The following TUBB3 variants were observed in gnomAD, a reference collection of about 807,000 sequenced individuals.
TUBB3 encodes the protein tubulin beta 3 class III, also known as tubulin beta-3 chain.
A neutral mutation model predicts 37.8 loss-of-function variants in TUBB3; 17 were observed. The ratio of observed to expected loss-of-function variants is 0.45; its 90% confidence interval spans 0.31 to 0.67. The LOEUF is 0.67. Among genes scored for constraint, TUBB3 ranks in the 30% least tolerant of loss-of-function variants. TUBB3 has a pLI of 0.07. For missense variants in TUBB3, 262 were observed against 657.9 expected (o/e 0.40, Z 6.58); for synonymous variants, 332 against 278.9 (o/e 1.19, Z -1.90).
At chr16:89,927,087 A>G (rs534840699) in intron 1 of TUBB3, among the ~76,000 whole-genome samples, 74 of 152,052 alleles carry the variant, frequency 4.9e-4, no homozygotes, top group African/African-American at 1.8e-3. Flanking sequence ...TTAAATATGT[A>G]ACATAGGCCA....
At chr16:89,933,368 G>A (rs977789163) in intron 2 of TUBB3, 100 bp from the exon 3 acceptor site, 3 of 985,776 alleles carry the variant, frequency 3.0e-6, no homozygotes, top group Non-Finnish European at 4.9e-6. Flanking sequence ...CTCTTAGGAT[G>A]TGAGCAGGAG....
chr16:89,928,869 G>A (rs540307362), intron 1 of TUBB3, among the ~76,000 whole-genome samples: 1 of 151,680 alleles, frequency 6.6e-6, no homozygotes, highest in African/African-American at 2.4e-5. Flanking sequence ...TCACCATGTT[G>A]GTCAGGCTGG....
intron 1 of TUBB3, among the ~76,000 whole-genome samples, chr16:89,925,523 G>C (rs967399325): frequency 6.6e-6 from 1 of 152,142 alleles, no homozygotes. Context: ...TTCAGCGTGG[G>C]AGGTCGAGGC....
chr16:89,933,882 C>G (rs1344538756), intron 3 of TUBB3: 2 of 668,882 alleles, frequency 3.0e-6, no homozygotes, highest in Non-Finnish European at 5.4e-6. Flanking sequence ...GGTCCAGGAG[C>G]ACGAGGCCTT....
chr16:89,923,592 G>C, intron 1 of TUBB3, 134 bp downstream of exon 1: 1 of 899,550 alleles, frequency 1.1e-6, no homozygotes. Context: ...CGCCGCGCCG[G>C]GCGGCCGGGA....
Position 89,935,501 on chromosome 16 carries a change from G to A in TUBB3, c.1050G>A (p.Lys350=), listed in dbSNP as rs765827043. The change falls in exon 4 of 4, where the codon AAG becomes AAA. Residue 350 remains lysine, a synonymous_variant. Transcript: ENST00000315491. ...YFVEWIPNNV[K]VAVCDIPPRG... Reference sequence around the variant, plus strand: ...TGGAGTGGATCCCCAACAACGTGAAGGTGGCCGTGTGTGACATCCCGCCCC... The same window carrying A: ...TGGAGTGGATCCCCAACAACGTGAAAGTGGCCGTGTGTGACATCCCGCCCC... 6 of 1,614,238 alleles carry A rather than the reference G, an allele frequency of 3.7e-6. No homozygotes were observed. The Admixed American group carries it at 6.7e-5, about 18-fold the overall frequency.
In TUBB3 at chr16:89,933,461, C is replaced by A. The variant is rs774511962; in HGVS notation, c.167-7C>A. On this transcript the variant is annotated splice_region_variant and splice_polypyrimidine_tract_variant and intron_variant, in intron 2 of 3. Transcript: ENST00000315491. ...ACCCGAATCACCGAGCCCCTCTCTCCCCTCAGCTCACAAGTACGTGCCTCG... is the reference window on the plus strand; with the variant it reads ...ACCCGAATCACCGAGCCCCTCTCTCACCTCAGCTCACAAGTACGTGCCTCG... 6.8e-6 allele frequency: 11 copies of A among 1,611,702 alleles called. No homozygotes were observed. In the East Asian group the frequency reaches 2.2e-4, roughly 33 times the overall value.
At chr16:89,934,503 C>A in intron 3 of TUBB3, 2 of 645,200 alleles carry the variant, frequency 3.1e-6, no homozygotes, top group Non-Finnish European at 5.7e-6. Context: ...GCTGTGACCC[C>A]AAGTTCTCAA....
intron 1 of TUBB3, among the ~76,000 whole-genome samples, chr16:89,927,570 T>C (rs551911223): frequency 2.4e-4 from 36 of 152,250 alleles, no homozygotes; most frequent in African/African-American, 7.5e-4. Context: ...TCTATCCTTC[T>C]GGTCCATTTT....
chr16:89,935,174 C>T lies in TUBB3; in HGVS notation c.723C>T (p.Arg241=), dbSNP rs559287041. The change falls in exon 4 of 4, where the codon CGC becomes CGT. Residue 241 remains arginine (R), a synonymous_variant. Transcript: ENST00000315491. ...ATMSGVTTSL[R]FPGQLNADLR... ...TGAGCGGAGTCACCACCTCCTTGCG[C>T]TTCCCGGGCCAGCTCAACGCTGACC... The T allele has an allele frequency of 1.2e-6, 2 of 1,613,930 alleles. No individual in the cohort carries two copies. Among genetic ancestry groups the T allele is most frequent in the African/African-American group, 1.3e-5 (1 of 75,072 alleles).
chr16:89,926,953 G>C (rs1354750072), intron 1 of TUBB3, among the ~76,000 whole-genome samples: 1 of 151,978 alleles, frequency 6.6e-6, no homozygotes, highest in Non-Finnish European at 1.5e-5. Context: ...CTGACCTCAG[G>C]TGATTCACCT....
intron 1 of TUBB3, among the ~76,000 whole-genome samples, chr16:89,925,705 G>C (rs546836921): frequency 4.7e-4 from 72 of 152,260 alleles, no homozygotes; most frequent in Admixed American, 1.2e-3. Flanking sequence ...TGCCCTTGTG[G>C]AATCAATGGG....
chr16:89,923,426 G>A lies in TUBB3; in HGVS notation c.25G>A (p.Ala9Thr). MREIVHIQ[A>T]GQCGNQIGAK... The stretch of plus-strand genomic sequence containing the variant: ...TATGAGGGAGATCGTGCACATCCAG[G>A]CCGGCCAGTGCGGCAACCAGATCGG... Residue 9 changes from alanine (A) to threonine (T), a missense_variant, in exon 1 of 4, where the codon GCC becomes ACC. Ala to Thr is a moderately conservative substitution (Grantham distance 58). Around this residue, in one of 3 missense-constraint regions of TUBB3, gnomAD observed 58 missense variants for 74.2 expected, o/e 0.78. Transcript: ENST00000315491. 6.6e-7 allele frequency: 1 copy of A among 1,512,420 alleles called. No homozygotes were observed. The highest frequency in any genetic ancestry group is 8.8e-7 in the Non-Finnish European group (1 of 1,130,008). 93.7% of individuals were successfully genotyped at this position (1,512,420 alleles called of 1,614,324 possible).
intron 1 of TUBB3, among the ~76,000 whole-genome samples, chr16:89,926,746 T>G (rs2030101213): frequency 6.6e-6 from 1 of 151,056 alleles, no homozygotes; most frequent in Admixed American, 6.6e-5. Flanking sequence ...AGATGGAGTT[T>G]GGCTCTTGTT....
intron 2 of TUBB3, chr16:89,933,200 G>A (rs1260979103): frequency 4.5e-6 from 3 of 672,816 alleles, no homozygotes; most frequent in South Asian, 1.5e-5. Context: ...AGTGTTGGGA[G>A]TGCAGACACG....
At chr16:89,932,531 T>C (rs772790130) in intron 1 of TUBB3, 40 bp from the exon 2 acceptor site, 1 of 1,558,526 alleles carries the variant, frequency 6.4e-7, no homozygotes, top group East Asian at 2.2e-5. Context: ...GCTGGGGCTA[T>C]GGGCCGGTGC....
At chr16:89,925,198 T>C (rs374712565) in intron 1 of TUBB3, among the ~76,000 whole-genome samples, 1 of 152,344 alleles carries the variant, frequency 6.6e-6, no homozygotes, top group East Asian at 1.9e-4. Context: ...CTTGGCTGCC[T>C]TGTGCTCTGC....
intron 1 of TUBB3, among the ~76,000 whole-genome samples, chr16:89,925,657 G>C (rs1169865744): frequency 6.6e-6 from 1 of 152,164 alleles, no homozygotes; most frequent in Non-Finnish European, 1.5e-5. Context: ...AAATTTTCTC[G>C]GGGGCGGGGG....
chr16:89,923,829 G>A (rs1295436225), intron 1 of TUBB3, among the ~76,000 whole-genome samples: 1 of 152,158 alleles, frequency 6.6e-6, no homozygotes, highest in Non-Finnish European at 1.5e-5. Flanking sequence ...TGAGTGAGAC[G>A]GGTGGGGTAG....
Sources: gnomAD v4.1 joint callset for allele counts (sites outside exome capture counted in the v4.1 genomes callset) on GRCh38, gnomAD v4.1.1 for gene constraint, gnomAD v4.1.1 regional missense constraint, MANE v1.5 for transcripts, NCBI Gene and HGNC (gene_info 2026-07-23, HGNC 2026-07-21) for gene names.